ANKS1B: variants seen among roughly 807,000 people sequenced by gnomAD.
ANKS1B encodes the protein ankyrin repeat and sterile alpha motif domain-containing protein 1B.
A neutral mutation model predicts 148.3 loss-of-function variants in ANKS1B; 36 were observed. The ratio of observed to expected loss-of-function variants is 0.24; its 90% confidence interval spans 0.19 to 0.32. ANKS1B has a LOEUF of 0.32. Among genes scored for constraint, ANKS1B ranks in the 10% least tolerant of loss-of-function variants. ANKS1B has a pLI of 1.00. For missense variants in ANKS1B, 1,157 were observed against 1,542.6 expected (o/e 0.75, Z 4.19); for synonymous variants, 542 against 560.8 (o/e 0.97, Z 0.47).
intron 17 of ANKS1B, among the ~76,000 whole-genome samples, chr12:98,933,425 T>C (rs2099815503): frequency 6.6e-6 from 1 of 152,180 alleles, no homozygotes; most frequent in African/African-American, 2.4e-5. Context: ...TGTTTCTATG[T>C]CTTGGCTGTA....
chr12:99,726,165 AC>A (rs2058600320), intron 8 of ANKS1B, among the ~76,000 whole-genome samples: 1 of 152,200 alleles, frequency 6.6e-6, no homozygotes, highest in Admixed American at 6.5e-5. Context: ...GGATAGAGAC[AC>A]AAAAAACCCT....
At chr12:98,758,424 C>T (rs2098315566) in intron 25 of ANKS1B, among the ~76,000 whole-genome samples, 1 of 152,128 alleles carries the variant, frequency 6.6e-6, no homozygotes, top group African/African-American at 2.4e-5. Flanking sequence ...AACATGTGAG[C>T]CAATTGAGCT....
intron 8 of ANKS1B, among the ~76,000 whole-genome samples, chr12:99,688,069 G>A (rs1192028617): frequency 1.3e-5 from 2 of 152,126 alleles, no homozygotes; most frequent in African/African-American, 4.8e-5. Context: ...AGACTCTTCT[G>A]AGTACTCTTC....
intron 9 of ANKS1B, among the ~76,000 whole-genome samples, chr12:99,529,874 T>C (rs1465150076): frequency 6.6e-6 from 1 of 152,228 alleles, no homozygotes; most frequent in Non-Finnish European, 1.5e-5. Context: ...AAAACATTTT[T>C]TTCGAAGTAA....
chr12:99,597,560 A>G (rs2097768481), intron 9 of ANKS1B, among the ~76,000 whole-genome samples: 1 of 152,094 alleles, frequency 6.6e-6, no homozygotes, highest in Non-Finnish European at 1.5e-5. Context: ...GTAATGCTGC[A>G]TTTAAGTGTC....
At chr12:98,770,223 C>T (rs2098548579) in intron 25 of ANKS1B, among the ~76,000 whole-genome samples, 1 of 152,194 alleles carries the variant, frequency 6.6e-6, no homozygotes, top group Non-Finnish European at 1.5e-5. Flanking sequence ...GGGAAAAGTC[C>T]AGCAACTTCT....
chr12:99,461,041 T>C (rs919164703), intron 10 of ANKS1B, among the ~76,000 whole-genome samples: 3 of 149,538 alleles, frequency 2.0e-5, no homozygotes, highest in African/African-American at 7.6e-5. Context: ...GTGGTGGATA[T>C]ATACATGTAT....
chr12:99,414,520 T>C (rs2094829204), intron 11 of ANKS1B, among the ~76,000 whole-genome samples: 1 of 146,408 alleles, frequency 6.8e-6, no homozygotes, highest in Non-Finnish European at 1.5e-5. Flanking sequence ...GATGAGTTCA[T>C]GTCCTTTGCA....
intron 1 of ANKS1B, among the ~76,000 whole-genome samples, chr12:99,850,973 A>G (rs925880852): frequency 6.6e-6 from 1 of 152,138 alleles, no homozygotes; most frequent in African/African-American, 2.4e-5. Flanking sequence ...TTGACTTACC[A>G]TAAAAATCTG....
rs141844675 is a variant in ANKS1B, at chr12:99,268,818, T to C, written c.1757-21954A>G. Among the ~76,000 whole-genome samples, 642 of 152,322 alleles carry C rather than the reference T, an allele frequency of 4.2e-3. 7 individuals are homozygous for C. The highest frequency in any genetic ancestry group is 0.015 in the African/African-American group (618 of 41,574). On this transcript the variant is annotated intron_variant, in intron 12 of 26. Coordinates refer to ENST00000683438, the MANE Select transcript of ANKS1B (RefSeq NM_001352186.2). ...ACAGTCAAGGGCATGGACTCACTGA[T>C]GATAAAAAGAAAGGAGGGTTTACAT...
intron 12 of ANKS1B, among the ~76,000 whole-genome samples, chr12:99,376,679 T>C (rs2093403996): frequency 1.3e-5 from 2 of 152,208 alleles, no homozygotes; most frequent in Non-Finnish European, 2.9e-5. Context: ...ATATGAGCCT[T>C]GCCATGATTA....
intron 12 of ANKS1B, among the ~76,000 whole-genome samples, chr12:99,347,225 G>A (rs547141976): frequency 6.6e-6 from 1 of 152,042 alleles, no homozygotes; most frequent in East Asian, 1.9e-4. Context: ...CCACTGCTAC[G>A]CCCATGAGAC....
intron 8 of ANKS1B, among the ~76,000 whole-genome samples, chr12:99,677,631 T>C (rs1393905409): frequency 6.6e-6 from 1 of 152,210 alleles, no homozygotes; most frequent in Non-Finnish European, 1.5e-5. Context: ...AATCTCCAGC[T>C]GCTTATGTAA....
chr12:99,302,986 C>T (rs1402795865), intron 12 of ANKS1B, among the ~76,000 whole-genome samples: 2 of 152,060 alleles, frequency 1.3e-5, no homozygotes, highest in Non-Finnish European at 2.9e-5. Context: ...TAATTGAGTT[C>T]AAATGTTGGC....
intron 1 of ANKS1B, among the ~76,000 whole-genome samples, chr12:99,944,234 T>A (rs1211961964): frequency 6.6e-6 from 1 of 152,182 alleles, no homozygotes; most frequent in Admixed American, 6.5e-5. Flanking sequence ...ATAAGGGAAT[T>A]CTTGGGCCTA....
chr12:99,890,473 C>T (rs1172419427), intron 1 of ANKS1B, among the ~76,000 whole-genome samples: 1 of 152,106 alleles, frequency 6.6e-6, no homozygotes. Context: ...CCTGAATTTC[C>T]AGGCTCCCAG....
intron 12 of ANKS1B, among the ~76,000 whole-genome samples, chr12:99,302,878 G>A (rs1005134153): frequency 1.3e-5 from 2 of 152,066 alleles, no homozygotes; most frequent in Admixed American, 6.6e-5. Context: ...TGAAAGTAGA[G>A]ATGACATTAA....
chr12:99,689,357 T>C (rs991176174), intron 8 of ANKS1B, among the ~76,000 whole-genome samples: 5 of 152,264 alleles, frequency 3.3e-5, no homozygotes, highest in Admixed American at 2.0e-4. Context: ...AGGGATCAAA[T>C]AATGCAAAGA....
chr12:99,456,231 T>A (rs990650494), intron 10 of ANKS1B, among the ~76,000 whole-genome samples: 7 of 152,100 alleles, frequency 4.6e-5, no homozygotes, highest in African/African-American at 1.7e-4. Flanking sequence ...AAGAGCACCA[T>A]ATCAAGAGAG....
Sources: allele counts gnomAD v4.1 joint callset (sites outside exome capture counted in the v4.1 genomes callset), GRCh38; gene constraint gnomAD v4.1.1; transcripts MANE v1.5; gene names NCBI Gene and HGNC (gene_info 2026-07-23, HGNC 2026-07-21).